The following LCK variants were observed in gnomAD, a reference collection of about 807,000 sequenced individuals.
LCK encodes tyrosine-protein kinase Lck.
LCK carries 14 observed loss-of-function variants against 64.6 expected under a neutral mutation model. That is an observed-to-expected ratio of 0.22 (90% CI 0.14 to 0.34). The LOEUF is 0.34. Among genes scored for constraint, LCK ranks in the 10% least tolerant of loss-of-function variants. LCK has a pLI of 1.00. For synonymous variants in LCK, 277 were observed against 263.6 expected (o/e 1.05, Z -0.49); for missense variants, 434 against 668.1 (o/e 0.65, Z 3.86).
At chr1:32,274,632 C>T in intron 2 of LCK, 105 bp from the exon 3 acceptor site, 1 of 1,039,806 alleles carries the variant, frequency 9.6e-7, no homozygotes, top group South Asian at 1.6e-5. Flanking sequence ...TCAGGGATAA[C>T]ATCTAACCAG....
chr1:32,256,678 G>A (rs564593708), intron 1 of LCK, among the ~76,000 whole-genome samples: 19 of 152,032 alleles, frequency 1.2e-4, no homozygotes, highest in Admixed American at 5.2e-4. Flanking sequence ...TCAAGCAATC[G>A]TCCTACCTCA....
chr1:32,275,181 C>T lies in LCK; in HGVS notation c.278+98C>T. ...GCGGCCCTTGACCAGCTCGGGGTGG[C>T]CGCCCTTGGGACAAAATTCGAGGCT... On this transcript the variant is annotated intron_variant, in intron 4 of 12. Coordinates refer to ENST00000336890, the MANE Select transcript of LCK (RefSeq NM_005356.5). The surrounding 1 kb of genome is among the most constrained non-coding windows in gnomAD (Gnocchi z 6.9). The T allele has an allele frequency of 6.8e-7, 1 of 1,467,068 alleles. No homozygotes were observed. The highest frequency in any genetic ancestry group is 1.2e-5 in the South Asian group (1 of 84,418). The allele number at this position is 1,467,068 out of a possible 1,614,324, so 90.9% of individuals were successfully genotyped here. A position where few individuals can be genotyped will look rare whatever the true frequency, so the allele number is the denominator to read the frequency against.
In LCK at chr1:32,275,733, C is replaced by T; in HGVS notation, c.481+61C>T. ...GCCCCGGGGTGTGCCCGAGGGGGGG[C>T]GCAGGGTGAGCCCGAGGTGGAGACA... On this transcript the variant is annotated intron_variant, in intron 6 of 12. Coordinates refer to ENST00000336890, the MANE Select transcript of LCK (RefSeq NM_005356.5). The surrounding 1 kb of genome is among the most constrained non-coding windows in gnomAD (Gnocchi z 6.9). 6.8e-7 allele frequency: 1 copy of T among 1,463,462 alleles called. No homozygotes were observed. The highest frequency in any genetic ancestry group is 9.2e-7 in the Non-Finnish European group (1 of 1,082,164). 90.7% of individuals were successfully genotyped at this position (1,463,462 alleles called of 1,614,324 possible).
At chr1:32,255,800 A>ATTTTTT (rs58539932) in intron 1 of LCK, among the ~76,000 whole-genome samples, 1 of 133,402 alleles carries the variant, frequency 7.5e-6, no homozygotes. Context: ...CATTAAATTT[A>ATTTTTT]TTTTTTTTTT....
Position 32,275,431 on chromosome 1 carries a change from C to G in LCK, c.377+12C>G. 6.2e-7 allele frequency: 1 copy of G among 1,613,208 alleles called. No homozygotes were observed. The highest frequency in any genetic ancestry group is 1.1e-5 in the South Asian group (1 of 91,026). ...CTGGAGCCCGAACCGTAAGTGGGGACCCGTCGTGGGGGTGGGTAGGAGCAG... is the reference window on the plus strand; with the variant it reads ...CTGGAGCCCGAACCGTAAGTGGGGAGCCGTCGTGGGGGTGGGTAGGAGCAG... On this transcript the variant is annotated intron_variant, in intron 5 of 12. Transcript: ENST00000336890. The surrounding 1 kb of genome is among the most constrained non-coding windows in gnomAD (Gnocchi z 6.9).
intron 1 of LCK, among the ~76,000 whole-genome samples, chr1:32,267,621 C>T (rs918321140): frequency 1.7e-4 from 26 of 152,144 alleles, no homozygotes; most frequent in African/African-American, 6.0e-4. Context: ...TTAGGCCGGG[C>T]ATGGTGGCTC....
At chr1:32,280,443 CTTTTTTTTTTTTTTTTTTTTTT>C in intron 12 of LCK, among the ~76,000 whole-genome samples, 1 of 84,756 alleles carries the variant, frequency 1.2e-5, no homozygotes, top group South Asian at 4.4e-4. Context: ...TTTTCTTTTT[CTTTTTTTTTTTTTTTTTTTTTT>C]TTTTTTTTGA....
chr1:32,277,663 C>A (rs530357741), intron 9 of LCK, among the ~76,000 whole-genome samples: 1 of 152,306 alleles, frequency 6.6e-6, no homozygotes, highest in South Asian at 2.1e-4. Flanking sequence ...CCAAGTATAA[C>A]AGCAGAAATC....
chr1:32,276,505 A>G lies in LCK; in HGVS notation c.784+16A>G, dbSNP rs771129805. ...GTGTGGATGGGTGAGTGTGGCCTCC[A>G]GGACTGCCTGGGAAGAGGGGAACGG... On this transcript the variant is annotated intron_variant, in intron 8 of 12. Transcript: ENST00000336890. The surrounding 1 kb of genome is among the most constrained non-coding windows in gnomAD (Gnocchi z 4.6). The G allele has an allele frequency of 6.3e-7, 1 of 1,599,114 alleles. No homozygotes were observed. The highest frequency in any genetic ancestry group is 2.2e-5 in the East Asian group (1 of 44,666).
At chr1:32,267,022 C>T (rs746127454) in intron 1 of LCK, among the ~76,000 whole-genome samples, 2 of 150,944 alleles carry the variant, frequency 1.3e-5, no homozygotes, top group Admixed American at 6.7e-5. Flanking sequence ...ACAACACAAC[C>T]AACTTGTGGT....
intron 1 of LCK, among the ~76,000 whole-genome samples, chr1:32,256,021 A>G (rs1639623540): frequency 6.6e-6 from 1 of 152,102 alleles, no homozygotes; most frequent in South Asian, 2.1e-4. Flanking sequence ...TAATCCCAAT[A>G]CTTTGGGAGG....
At chr1:32,252,028 A>T (rs1040943570) in intron 1 of LCK, among the ~76,000 whole-genome samples, 3 of 151,966 alleles carry the variant, frequency 2.0e-5, no homozygotes, top group Non-Finnish European at 4.4e-5. Flanking sequence ...GCGTGAACTG[A>T]TATGTGTGGG....
intron 1 of LCK, among the ~76,000 whole-genome samples, chr1:32,262,783 A>G (rs1569915972): frequency 6.6e-6 from 1 of 151,600 alleles, no homozygotes; most frequent in Non-Finnish European, 1.5e-5. Context: ...AACCAGGTTA[A>G]TAAATGAGGT....
At position 32,251,837 on chromosome 1, in the gene LCK, G is replaced by A. The variant is rs903491552; in HGVS notation, c.-6+466G>A. On this transcript the variant is annotated intron_variant, in intron 1 of 12. Transcript: ENST00000336890. This position sits in a 1 kb window ranked among gnomAD's most constrained non-coding sequence, Gnocchi z 4.0. ...GGTGATGGACAGGCTGGACTCAGAG[G>A]ACCCAGGAATCCTTCTGGTTTCTGG... Among the ~76,000 whole-genome samples, 1 of 151,328 alleles carries A rather than the reference G, an allele frequency of 6.6e-6. No homozygotes were observed. Among genetic ancestry groups the A allele is most frequent in the African/African-American group, 2.4e-5 (1 of 41,094 alleles).
chr1:32,256,984 T>G (rs1639647963), intron 1 of LCK, among the ~76,000 whole-genome samples: 2 of 152,178 alleles, frequency 1.3e-5, no homozygotes, highest in African/African-American at 2.4e-5. Context: ...CCCGTGGAAG[T>G]GCCAAAAATC....
rs1293949703 is a variant in LCK, at chr1:32,276,544, G to A, written c.784+55G>A. On this transcript the variant is annotated intron_variant, in intron 8 of 12. Coordinates refer to ENST00000336890, the MANE Select transcript of LCK (RefSeq NM_005356.5). This position sits in a 1 kb window ranked among gnomAD's most constrained non-coding sequence, Gnocchi z 4.6. ...AGAGGGGAACGGGAGGGGCCGCTGA[G>A]GTGATGAGAGTCCCAGGACAGCTGC... is the stretch of plus-strand genomic sequence containing the variant. 44 of 1,586,428 alleles carry A rather than the reference G, an allele frequency of 2.8e-5. No homozygotes were observed. Among genetic ancestry groups the A allele is most frequent in the Non-Finnish European group, 3.3e-5 (38 of 1,163,916 alleles).
intron 12 of LCK, 53 bp from the exon 13 acceptor site, chr1:32,285,461 C>G (rs1286132540): frequency 6.7e-7 from 1 of 1,499,374 alleles, no homozygotes. Flanking sequence ...ATTACCCTTG[C>G]CTGTGGGCTT....
chr1:32,262,971 C>T (rs919965252), intron 1 of LCK, among the ~76,000 whole-genome samples: 1 of 151,806 alleles, frequency 6.6e-6, no homozygotes, highest in Non-Finnish European at 1.5e-5. Flanking sequence ...TCTTTTCTCC[C>T]AATTTAGGAA....
intron 1 of LCK, among the ~76,000 whole-genome samples, chr1:32,254,753 C>T (rs1639588789): frequency 6.6e-6 from 1 of 151,234 alleles, no homozygotes; most frequent in Admixed American, 6.6e-5. Context: ...CTCAGGTGAT[C>T]CGCCTGCCTC....
Sources: allele counts gnomAD v4.1 joint callset (sites outside exome capture counted in the v4.1 genomes callset), GRCh38; gene constraint gnomAD v4.1.1; non-coding constraint Gnocchi (gnomAD v3.1); transcripts MANE v1.5; gene names NCBI Gene and HGNC (gene_info 2026-07-23, HGNC 2026-07-21).